The following LARGE1 variants were observed in gnomAD, a reference collection of about 807,000 sequenced individuals.
The protein encoded by LARGE1 is LARGE xylosyl- and glucuronyltransferase 1, also known as xylosyl- and glucuronyltransferase LARGE1.
In LARGE1, 43 loss-of-function variants were observed where a neutral mutation model predicts 87.6. The observed-to-expected ratio is 0.49, with a 90% CI of 0.38 to 0.63. The LOEUF (loss-of-function observed/expected upper bound fraction) is 0.63. Ranked by LOEUF, LARGE1 falls within the 30% of genes least tolerant of loss-of-function variation. The pLI, the probability that LARGE1 is intolerant of heterozygous loss-of-function variation, is 0.00. For synonymous variants in LARGE1, 434 were observed against 394.6 expected (o/e 1.10, Z -1.18); for missense variants, 802 against 1,000.2 (o/e 0.80, Z 2.67).
At chr22:33,314,116 G>T (rs188930849) in intron 11 of LARGE1, among the ~76,000 whole-genome samples, 44 of 152,240 alleles carry the variant, frequency 2.9e-4, no homozygotes, top group African/African-American at 7.9e-4. Context: ...GAAGGGACAG[G>T]GCTCGCCAGG....
At chr22:33,864,986 G>T (rs2064043178) in intron 1 of LARGE1, among the ~76,000 whole-genome samples, 1 of 152,172 alleles carries the variant, frequency 6.6e-6, no homozygotes, top group South Asian at 2.1e-4. Flanking sequence ...CCACAGGTTG[G>T]TTCGCAGTTT....
chr22:33,675,292 C>CAGAAAAAAAAAAAAAAAAAAA (rs2081538933), intron 2 of LARGE1, among the ~76,000 whole-genome samples: 1 of 32,906 alleles, frequency 3.0e-5, no homozygotes, highest in Non-Finnish European at 5.3e-5. Flanking sequence ...GAAACTCCAT[C>CAGAAAAAAAAAAAAAAAAAAA]AAAAAAAAAA....
intron 11 of LARGE1, among the ~76,000 whole-genome samples, chr22:33,188,583 G>A (rs1923611033): frequency 6.6e-6 from 1 of 152,202 alleles, no homozygotes; most frequent in African/African-American, 2.4e-5. Flanking sequence ...GGGGGTCACT[G>A]CAGGGCACCT....
chr22:33,802,282 G>A (rs1157175684), intron 1 of LARGE1, among the ~76,000 whole-genome samples: 1 of 152,164 alleles, frequency 6.6e-6, no homozygotes, highest in Non-Finnish European at 1.5e-5. Flanking sequence ...GAACAGCAAG[G>A]GAAGCACTAC....
chr22:33,591,576 C>T (rs142596087), intron 5 of LARGE1, among the ~76,000 whole-genome samples: 1 of 152,104 alleles, frequency 6.6e-6, no homozygotes, highest in Non-Finnish European at 1.5e-5. Context: ...AGATGCTTGG[C>T]AAATTCTTTC....
chr22:33,421,779 G>A (rs1200437263), intron 7 of LARGE1, among the ~76,000 whole-genome samples: 1 of 152,182 alleles, frequency 6.6e-6, no homozygotes, highest in Non-Finnish European at 1.5e-5. Context: ...AGGGTGCCAG[G>A]ACTACAGAAG....
rs183886259 is a variant in LARGE1, at chr22:33,265,461, G to A, written c.1730+38768C>T. 4.5e-4 allele frequency among the ~76,000 whole-genome samples: 68 copies of A among 152,002 alleles called. No homozygotes were observed. The East Asian group carries it at 0.01, about 23-fold the overall frequency. On this transcript the variant is annotated intron_variant, in intron 11 of 11. Transcript: ENST00000608642. ...AGTCCTGAATAGAGTCTCACTTACC[G>A]TTTTAACAGGTGTTAGAATAATTTT...
intron 1 of LARGE1, among the ~76,000 whole-genome samples, chr22:33,872,264 G>A (rs1233036588): frequency 1.3e-5 from 2 of 151,752 alleles, no homozygotes; most frequent in South Asian, 2.1e-4. Flanking sequence ...AAATGGGCAC[G>A]CCAGCATCCA....
At chr22:33,179,000 G>C (rs1341519673) in intron 11 of LARGE1, among the ~76,000 whole-genome samples, 3 of 152,134 alleles carry the variant, frequency 2.0e-5, no homozygotes, top group African/African-American at 4.8e-5. Flanking sequence ...ATCATAACAG[G>C]GTGGAGGGCA....
chr22:33,141,169 A>ATCTCTCTCTCTCTC, the LARGE1 span, among the ~76,000 whole-genome samples: 29 of 143,868 alleles, frequency 2.0e-4, 1 homozygote, highest in Non-Finnish European at 3.9e-4. Flanking sequence ...TATTCTCAGA[A>ATCTCTCTCTCTCTC]TCTCTCTCTC....
chr22:33,242,222 A>G (rs1391979413), intron 11 of LARGE1, among the ~76,000 whole-genome samples: 2 of 152,144 alleles, frequency 1.3e-5, no homozygotes, highest in African/African-American at 2.4e-5. Flanking sequence ...GCAGGTGGGA[A>G]CCCTGAATCA....
chr22:33,873,845 C>T (rs1424010043), intron 1 of LARGE1, among the ~76,000 whole-genome samples: 1 of 151,942 alleles, frequency 6.6e-6, no homozygotes, highest in Non-Finnish European at 1.5e-5. Flanking sequence ...TCACAAGAAG[C>T]CAAGTACAAG....
chr22:33,207,544 A>C (rs1236246436), intron 11 of LARGE1, among the ~76,000 whole-genome samples: 3 of 152,132 alleles, frequency 2.0e-5, no homozygotes, highest in Non-Finnish European at 4.4e-5. Context: ...TGCAGGTAGG[A>C]GGGAGGAGCA....
At chr22:33,390,855 G>A (rs2065492918) in intron 7 of LARGE1, among the ~76,000 whole-genome samples, 1 of 152,014 alleles carries the variant, frequency 6.6e-6, no homozygotes. Context: ...CACCAGGCCT[G>A]GCTAATGTTT....
At chr22:33,101,717 T>C in the LARGE1 span, among the ~76,000 whole-genome samples, 2 of 152,168 alleles carry the variant, frequency 1.3e-5, no homozygotes, top group African/African-American at 4.8e-5. Flanking sequence ...GGTGCTTCAG[T>C]TGACATTATA....
At chr22:33,219,427 T>C (rs1925357071) in intron 11 of LARGE1, among the ~76,000 whole-genome samples, 1 of 152,236 alleles carries the variant, frequency 6.6e-6, no homozygotes, top group Non-Finnish European at 1.5e-5. Context: ...GACAAAAATC[T>C]GCCTTGTTAA....
At chr22:33,456,665 A>G (rs1189637566) in intron 6 of LARGE1, among the ~76,000 whole-genome samples, 1 of 152,186 alleles carries the variant, frequency 6.6e-6, no homozygotes, top group Non-Finnish European at 1.5e-5. Context: ...TTCTAATTCC[A>G]TTCCACTTAT....
chr22:33,753,328 G>A (rs2084392035), intron 2 of LARGE1, among the ~76,000 whole-genome samples: 1 of 152,130 alleles, frequency 6.6e-6, no homozygotes, highest in South Asian at 2.1e-4. Flanking sequence ...CAGAGAGAAA[G>A]ATTTGAAGAT....
At chr22:33,858,467 T>C (rs983192500) in intron 1 of LARGE1, among the ~76,000 whole-genome samples, 2 of 152,244 alleles carry the variant, frequency 1.3e-5, no homozygotes, top group African/African-American at 4.8e-5. Context: ...ATCCTGATCA[T>C]TGTCCCTCCC....
Sources: gnomAD v4.1 joint callset for allele counts (sites outside exome capture counted in the v4.1 genomes callset) on GRCh38, gnomAD v4.1.1 for gene constraint, MANE v1.5 for transcripts, NCBI Gene and HGNC (gene_info 2026-07-23, HGNC 2026-07-21) for gene names.